PHACTR3: variants seen among roughly 807,000 people sequenced by gnomAD.
PHACTR3 encodes protein phosphatase 1, regulatory subunit 123.
In PHACTR3, 16 loss-of-function variants were observed where a neutral mutation model predicts 66.8. The ratio of observed to expected loss-of-function variants is 0.24; its 90% CI spans 0.16 to 0.36. PHACTR3 has a LOEUF of 0.36. Among genes scored for constraint, PHACTR3 ranks in the 10% least tolerant of loss-of-function variants. The probability of loss-of-function intolerance (pLI) is 1.00; values close to 1 mark genes in which losing one functional copy is unlikely to be tolerated. For missense variants in PHACTR3, 647 were observed against 719.9 expected, an observed-to-expected ratio of 0.90 and a Z score of 1.16; for synonymous variants, 323 against 292.1, an observed-to-expected ratio of 1.11 and a Z score of -1.08.
chr20:59,579,574 G>A (rs965226547), intron 1 of PHACTR3, among the ~76,000 whole-genome samples: 4 of 152,222 alleles, frequency 2.6e-5, no homozygotes, highest in African/African-American at 9.6e-5. Flanking sequence ...GCCTCCATCA[G>A]AAGTCCCTAG....
At chr20:59,603,600 AC>A (rs1482844738), upstream of PHACTR3, 2 of 152,076 alleles carry the variant, frequency 1.3e-5, no homozygotes, top group African/African-American at 2.4e-5. Flanking sequence ...CAGCAGGAGG[AC>A]CCTTGGTGAG....
chr20:59,586,400 T>C (rs1013709271), intron 1 of PHACTR3, among the ~76,000 whole-genome samples: 2 of 152,240 alleles, frequency 1.3e-5, no homozygotes, highest in Non-Finnish European at 2.9e-5. Context: ...TTCACTCTAA[T>C]TCCAGTAACA....
intron 1 of PHACTR3, among the ~76,000 whole-genome samples, chr20:59,717,403 T>G (rs183698790): frequency 6.6e-6 from 1 of 152,372 alleles, no homozygotes; most frequent in Non-Finnish European, 1.5e-5. Context: ...ATTGGGATAC[T>G]GACACGGATG....
chr20:59,747,627 C>G (rs1170725856), intron 2 of PHACTR3, 131 bp from the exon 3 acceptor site: 1 of 1,002,286 alleles, frequency 1.0e-6, no homozygotes, highest in African/African-American at 1.6e-5. Flanking sequence ...GGACTAGGCC[C>G]CCTAACCCCG....
Position 59,829,151 on chromosome 20 carries a change from C to T in PHACTR3, c.1329-7354C>T, listed in dbSNP as rs2042274246. On this transcript the variant is annotated intron_variant, in intron 8 of 12. Transcript: ENST00000371015. The surrounding 1 kb of genome is among the most constrained non-coding windows in gnomAD (Gnocchi z 4.2). ...GGGGAACAGGGTGTGAAAAGGTCGGCTTTGGACTCAGAGTGCCTGGAGTCA... is the reference window on the plus strand; with the variant it reads ...GGGGAACAGGGTGTGAAAAGGTCGGTTTTGGACTCAGAGTGCCTGGAGTCA... 6.6e-6 allele frequency among the ~76,000 whole-genome samples: 1 copy of T among 152,078 alleles called. No individual in the cohort carries two copies.
Position 59,774,311 on chromosome 20 carries a change from G to T in PHACTR3, c.995G>T (p.Ser332Ile). 2 of 1,614,134 alleles carry T rather than the reference G, an allele frequency of 1.2e-6. No individual in the cohort carries two copies. Among genetic ancestry groups the T allele is most frequent in the Non-Finnish European group, 1.7e-6 (2 of 1,180,006 alleles). The part of the protein sequence containing the change: ...RLDVRLSRTS[S>I]VERGKEREEA... ...GATGTCCGTCTGTCGAGAACGTCCA[G>T]CGTGGAGCGGGGCAAGGAGAGGGAG... Residue 332 changes from serine (S) to isoleucine (I), a missense_variant, in exon 7 of 13, where the codon AGC becomes ATC. Transcript: ENST00000371015.
chr20:59,661,932 T>C (rs2035820949), intron 1 of PHACTR3, among the ~76,000 whole-genome samples: 1 of 152,088 alleles, frequency 6.6e-6, no homozygotes, highest in Non-Finnish European at 1.5e-5. Flanking sequence ...CTAATCTCCT[T>C]GTGGGATGCC....
chr20:59,662,290 G>A (rs1204160780), intron 1 of PHACTR3, among the ~76,000 whole-genome samples: 3 of 152,150 alleles, frequency 2.0e-5, no homozygotes, highest in Non-Finnish European at 2.9e-5. Flanking sequence ...ATTTAGCAGG[G>A]AGATTTGACC....
chr20:59,602,470 AAAG>A (rs1178753894), upstream of PHACTR3, among the ~76,000 whole-genome samples: 11 of 152,008 alleles, frequency 7.2e-5, no homozygotes, highest in African/African-American at 2.4e-4. Context: ...GAGAGAGAGA[AAAG>A]AAAAAATATG....
chr20:59,775,271 C>T (rs1009661828), intron 7 of PHACTR3, among the ~76,000 whole-genome samples: 9 of 152,230 alleles, frequency 5.9e-5, no homozygotes, highest in South Asian at 2.1e-4. Context: ...AGGTCCAGGG[C>T]GGCCGTGGTG....
At chr20:59,845,059 T>C (rs1207225762) in intron 11 of PHACTR3, 130 bp from the exon 12 acceptor site, 9 of 567,208 alleles carry the variant, frequency 1.6e-5, no homozygotes, top group South Asian at 5.2e-5. Flanking sequence ...AACCAAAAAA[T>C]TGTTTGTTTT....
upstream of PHACTR3, among the ~76,000 whole-genome samples, chr20:59,602,125 C>G (rs2033494627): frequency 6.6e-6 from 1 of 152,170 alleles, no homozygotes; most frequent in South Asian, 2.1e-4. Flanking sequence ...CCTGGCTGAA[C>G]TCCTCTCTCA....
intron 4 of PHACTR3, among the ~76,000 whole-genome samples, chr20:59,766,256 G>A (rs2040178150): frequency 6.6e-6 from 1 of 152,208 alleles, no homozygotes; most frequent in East Asian, 1.9e-4. Context: ...CTGGCCACGG[G>A]TCCTGCAGAG....
At chr20:59,740,427 G>C (rs780828980) in intron 1 of PHACTR3, among the ~76,000 whole-genome samples, 2 of 152,018 alleles carry the variant, frequency 1.3e-5, no homozygotes, top group African/African-American at 4.8e-5. Flanking sequence ...TCCTGTCTCC[G>C]ACTCTTAAGT....
chr20:59,673,056 G>T (rs1228601032), intron 1 of PHACTR3, among the ~76,000 whole-genome samples: 1 of 152,146 alleles, frequency 6.6e-6, no homozygotes, highest in Non-Finnish European at 1.5e-5. Flanking sequence ...AGGGCAGGAG[G>T]GTACCTCATC....
In PHACTR3 at chr20:59,654,971, A is replaced by T. The variant is rs139951050; in HGVS notation, c.118+49839A>T. Among the ~76,000 whole-genome samples, 1,320 of 152,106 alleles carry T rather than the reference A, an allele frequency of 8.7e-3. 22 individuals carry two copies. Among genetic ancestry groups the T allele is most frequent in the African/African-American group, 0.03 (1,240 of 41,532 alleles). On this transcript the variant is annotated intron_variant, in intron 1 of 12. Transcript: ENST00000371015. ...TGCATGAATATCCCATAATTTGTCC[A>T]GTCTCTCGTTGCATATTTGTGTTTT...
intron 1 of PHACTR3, among the ~76,000 whole-genome samples, chr20:59,711,236 T>C (rs995981429): frequency 6.6e-6 from 1 of 152,246 alleles, no homozygotes; most frequent in African/African-American, 2.4e-5. Context: ...TTCCTCTTAC[T>C]GTTTGGTTGT....
chr20:59,663,640 G>A (rs1023018586), intron 1 of PHACTR3, among the ~76,000 whole-genome samples: 4 of 152,208 alleles, frequency 2.6e-5, no homozygotes, highest in South Asian at 2.1e-4. Context: ...AAGCCCTCAC[G>A]CAGAGCAGGC....
At chr20:59,735,328 A>G (rs76821859) in intron 1 of PHACTR3, among the ~76,000 whole-genome samples, 1 of 152,150 alleles carries the variant, frequency 6.6e-6, no homozygotes, top group African/African-American at 2.4e-5. Context: ...CTCAGCCGAT[A>G]TGATGAATGG....
Sources: gnomAD v4.1 joint callset for allele counts (sites outside exome capture counted in the v4.1 genomes callset) on GRCh38, gnomAD v4.1.1 for gene constraint, Gnocchi (gnomAD v3.1) non-coding constraint, MANE v1.5 for transcripts, NCBI Gene and HGNC (gene_info 2026-07-23, HGNC 2026-07-21) for gene names.